Variants in CELF2 observed in about 807,000 individuals in gnomAD.
CELF2 encodes the protein CUGBP Elav-like family member 2, also known as CUG triplet repeat RNA-binding protein 2.
In CELF2, 8 loss-of-function variants were observed where a neutral mutation model predicts 62.6. The ratio of observed to expected loss-of-function variants is 0.13; its 90% CI spans 0.07 to 0.23. The LOEUF (loss-of-function observed/expected upper bound fraction) is 0.23. Ranked by LOEUF, CELF2 falls within the 10% of genes least tolerant of loss-of-function variation. CELF2 has a pLI of 1.00. For synonymous variants in CELF2, 258 were observed against 250.0 expected, an observed-to-expected ratio of 1.03 and a Z score of -0.30; for missense variants, 333 against 671.0, an observed-to-expected ratio of 0.50 and a Z score of 5.56.
At chr10:10,969,123 G>A (rs1156698645) in intron 2 of CELF2, among the ~76,000 whole-genome samples, 2 of 152,190 alleles carry the variant, frequency 1.3e-5, no homozygotes, top group Non-Finnish European at 2.9e-5. Context: ...TGGGTGTGGT[G>A]ACATGTGCCT....
chr10:11,216,586 T>G (rs936146654), intron 2 of CELF2, among the ~76,000 whole-genome samples: 8 of 152,212 alleles, frequency 5.3e-5, no homozygotes, highest in Non-Finnish European at 8.8e-5. Context: ...ATCTACAAGT[T>G]GAAGAAGGTG....
At chr10:10,599,467 T>C in the CELF2 span, among the ~76,000 whole-genome samples, 1 of 152,176 alleles carries the variant, frequency 6.6e-6, no homozygotes, top group Non-Finnish European at 1.5e-5. Context: ...AAACTCATAT[T>C]AAAAAGAATT....
intron 1 of CELF2, among the ~76,000 whole-genome samples, chr10:11,050,431 C>T (rs866823069): frequency 1.8e-4 from 27 of 152,144 alleles, no homozygotes; most frequent in Admixed American, 1.2e-3. Context: ...GAAGTCATGG[C>T]GAGCAGAAGA....
chr10:10,985,285 TA>T (rs1026922141), intron 2 of CELF2, among the ~76,000 whole-genome samples: 4 of 151,818 alleles, frequency 2.6e-5, no homozygotes, highest in African/African-American at 9.7e-5. Context: ...TACATTTTAG[TA>T]AAATGGTTTC....
At chr10:10,991,795 C>T (rs1425206499) in intron 2 of CELF2, among the ~76,000 whole-genome samples, 2 of 152,122 alleles carry the variant, frequency 1.3e-5, no homozygotes, top group East Asian at 3.9e-4. Context: ...AAGTAGACAA[C>T]ACTTTATCCC....
chr10:10,641,548 C>G, the CELF2 span, among the ~76,000 whole-genome samples: 1 of 152,100 alleles, frequency 6.6e-6, no homozygotes, highest in Non-Finnish European at 1.5e-5. Flanking sequence ...TCAAGTGATT[C>G]TCCTGTCTCA....
At chr10:10,875,830 T>A (rs2061051701) in intron 1 of CELF2, among the ~76,000 whole-genome samples, 1 of 152,244 alleles carries the variant, frequency 6.6e-6, no homozygotes, top group African/African-American at 2.4e-5. Flanking sequence ...TCTCTACCAA[T>A]TTGCTGTTTG....
chr10:11,065,446 C>T (rs574992344), intron 1 of CELF2, among the ~76,000 whole-genome samples: 18 of 151,904 alleles, frequency 1.2e-4, no homozygotes, highest in African/African-American at 3.9e-4. Flanking sequence ...GAAATAAATG[C>T]GGTACACTAA....
At chr10:10,589,465 C>A in the CELF2 span, among the ~76,000 whole-genome samples, 4 of 152,172 alleles carry the variant, frequency 2.6e-5, no homozygotes, top group African/African-American at 9.7e-5. Context: ...CTTTGGAATG[C>A]CCTGGGCAGA....
chr10:11,232,140 CTCT>C (rs953054515), intron 3 of CELF2, among the ~76,000 whole-genome samples: 1 of 152,076 alleles, frequency 6.6e-6, no homozygotes, highest in Admixed American at 6.5e-5. Context: ...TATCCCTCCC[CTCT>C]CCCCCCACCC....
chr10:10,619,075 G>C, the CELF2 span, among the ~76,000 whole-genome samples: 1 of 152,190 alleles, frequency 6.6e-6, no homozygotes, highest in Non-Finnish European at 1.5e-5. Context: ...GAGGAAGGGG[G>C]AACTTCCATG....
the CELF2 span, among the ~76,000 whole-genome samples, chr10:10,501,470 CTGTTA>C: frequency 4.7e-4 from 72 of 151,876 alleles, no homozygotes; most frequent in African/African-American, 1.6e-3. Flanking sequence ...TGTATTTTTC[CTGTTA>C]TGTTTTGAGA....
At chr10:10,945,253 A>T (rs569174259) in intron 2 of CELF2, among the ~76,000 whole-genome samples, 1 of 152,312 alleles carries the variant, frequency 6.6e-6, no homozygotes, top group East Asian at 1.9e-4. Context: ...AGCTGACAGC[A>T]TTTCCCTCCT....
intron 1 of CELF2, among the ~76,000 whole-genome samples, chr10:11,142,150 A>G (rs897003734): frequency 6.6e-6 from 1 of 152,234 alleles, no homozygotes; most frequent in African/African-American, 2.4e-5. Context: ...ATAGATGACA[A>G]TGTGGTACGT....
At chr10:11,235,263 C>T (rs749989510) in intron 3 of CELF2, among the ~76,000 whole-genome samples, 3 of 152,188 alleles carry the variant, frequency 2.0e-5, no homozygotes, top group Non-Finnish European at 4.4e-5. Flanking sequence ...AGCTATGTCA[C>T]CACAGGTCAA....
At chr10:10,900,534 A>G (rs2062862110) in intron 1 of CELF2, among the ~76,000 whole-genome samples, 1 of 152,190 alleles carries the variant, frequency 6.6e-6, no homozygotes, top group Non-Finnish European at 1.5e-5. Flanking sequence ...AATCTCAGCA[A>G]ACTAGGAATA....
chr10:11,259,413 T>C (rs1380786947), intron 5 of CELF2, among the ~76,000 whole-genome samples: 1 of 148,334 alleles, frequency 6.7e-6, no homozygotes, highest in Non-Finnish European at 1.5e-5. Context: ...TCCTGTGTTT[T>C]CTTCGGAAGG....
At chr10:10,752,296 C>A in the CELF2 span, among the ~76,000 whole-genome samples, 2 of 152,192 alleles carry the variant, frequency 1.3e-5, no homozygotes, top group Non-Finnish European at 2.9e-5. Flanking sequence ...GTCTAAGATG[C>A]CAGTAGTAGC....
Position 11,318,848 on chromosome 10 carries a change from G to A in CELF2, c.1097-2341G>A, listed in dbSNP as rs1267603904. ...GTGTATCTGGCACTCTGGAGAAGCC[G>A]AGTCGTGGAGGCTGCACATCGCAGG... On this transcript the variant is annotated intron_variant, in intron 10 of 12. Coordinates refer to ENST00000633077, the MANE Select transcript of CELF2 (RefSeq NM_001326342.2). This position sits in a 1 kb window ranked among gnomAD's most constrained non-coding sequence, Gnocchi z 5.4. 9 of 471,266 alleles carry A rather than the reference G, an allele frequency of 1.9e-5. No individual in the cohort carries two copies. The highest frequency in any genetic ancestry group is 4.7e-5 in the Admixed American group (2 of 42,582). The allele number at this position is 471,266 out of a possible 1,614,324, so 29.2% of individuals were successfully genotyped here.
Sources: allele counts gnomAD v4.1 joint callset (sites outside exome capture counted in the v4.1 genomes callset), GRCh38; gene constraint gnomAD v4.1.1; non-coding constraint Gnocchi (gnomAD v3.1); transcripts MANE v1.5; gene names NCBI Gene and HGNC (gene_info 2026-07-23, HGNC 2026-07-21).